Variants in TRAPPC9 observed in about 807,000 individuals in gnomAD.
The protein encoded by TRAPPC9 is trafficking protein particle complex subunit 9.
TRAPPC9 carries 83 observed loss-of-function variants against 124.0 expected under a neutral mutation model. That is an observed-to-expected ratio of 0.67 (90% CI 0.56 to 0.80). TRAPPC9 has a LOEUF of 0.80. Ranked by LOEUF, TRAPPC9 falls within the 30% of genes least tolerant of loss-of-function variation. TRAPPC9 has a pLI of 0.00. For missense variants in TRAPPC9, 1,302 were observed against 1,508.3 expected (o/e 0.86, Z 2.27); for synonymous variants, 638 against 617.5 (o/e 1.03, Z -0.49).
In TRAPPC9 at chr8:140,291,288, A is replaced by C. The variant is rs987093870; in HGVS notation, c.1769-210T>G. On this transcript the variant is annotated intron_variant, in intron 11 of 22. Coordinates refer to ENST00000438773, the MANE Select transcript of TRAPPC9 (RefSeq NM_001160372.4). ...GCTGTCACTGGCACTTTGATGCCAC[A>C]TGAATGGCGCTTGTCACTGCCTTCG... The C allele has an allele frequency of 4.3e-5, 27 of 630,606 alleles. No homozygotes were observed. The South Asian group carries it at 4.5e-4, about 11-fold the overall frequency. The allele number at this position is 630,606 out of a possible 1,614,324, so 39.1% of individuals were successfully genotyped here. A position where few individuals can be genotyped will look rare whatever the true frequency, so the allele number is the denominator to read the frequency against.
In TRAPPC9 at chr8:139,898,982, C is replaced by T. The variant is rs576567591; in HGVS notation, c.2964+11165G>A. Among the ~76,000 whole-genome samples, 8 of 151,650 alleles carry T rather than the reference C, an allele frequency of 5.3e-5. No individual in the cohort carries two copies. In the East Asian group the frequency reaches 5.8e-4, roughly 11 times the overall value. ...TAAAAATACAAAAATTAGCCAGGCA[C>T]GGTGGTGGGTGCCTGTCATCACAGC... is the stretch of plus-strand genomic sequence containing the variant. On this transcript the variant is annotated intron_variant, in intron 20 of 22. Coordinates refer to ENST00000438773, the MANE Select transcript of TRAPPC9 (RefSeq NM_001160372.4).
rs12548239 is a variant in TRAPPC9, at chr8:139,913,522, C to T, written c.2811-3222G>A. 1.5e-3 allele frequency among the ~76,000 whole-genome samples: 224 copies of T among 152,240 alleles called. 1 individual carries two copies. Among genetic ancestry groups the T allele is most frequent in the African/African-American group, 5.3e-3 (219 of 41,550 alleles). On this transcript the variant is annotated intron_variant, in intron 19 of 22. Transcript: ENST00000438773. ...TTAGGCAGGACACCTAAAGAGAGAC[C>T]ATTTCTTGCTCATGCTGTTTGCAGA...
At chr8:139,828,734 G>T (rs189665780) in intron 21 of TRAPPC9, among the ~76,000 whole-genome samples, 8 of 152,300 alleles carry the variant, frequency 5.3e-5, no homozygotes, top group Non-Finnish European at 1.0e-4. Context: ...TTGAAGGAAC[G>T]CTGCCCAGGT....
chr8:140,072,093 A>G (rs775354616), intron 17 of TRAPPC9, among the ~76,000 whole-genome samples: 1 of 152,194 alleles, frequency 6.6e-6, no homozygotes, highest in Non-Finnish European at 1.5e-5. Context: ...ATGAGGGGAC[A>G]TTTTTTTAAG....
At chr8:140,060,060 T>G (rs1842504691) in intron 17 of TRAPPC9, among the ~76,000 whole-genome samples, 1 of 152,224 alleles carries the variant, frequency 6.6e-6, no homozygotes, top group Non-Finnish European at 1.5e-5. Context: ...TTGACAAATG[T>G]CTGAATGTCG....
At position 140,095,051 on chromosome 8, in the gene TRAPPC9, C is replaced by T. The variant is rs541277087; in HGVS notation, c.2557-70972G>A. The T allele has an allele frequency of 2.0e-4, 31 of 152,328 alleles. No individual in the cohort carries two copies. In the East Asian group the frequency reaches 6.0e-3, roughly 29 times the overall value. 9.4% of individuals were successfully genotyped at this position (152,328 alleles called of 1,614,324 possible). Reference sequence around the variant, plus strand: ...ATTTCCAGAAGCCCAATCCAGTGGTCACTCTACAATAACACAGGGTCTCTT... The same window carrying T: ...ATTTCCAGAAGCCCAATCCAGTGGTTACTCTACAATAACACAGGGTCTCTT... On this transcript the variant is annotated intron_variant, in intron 17 of 22. Transcript: ENST00000438773.
intron 20 of TRAPPC9, among the ~76,000 whole-genome samples, chr8:139,895,466 A>G (rs1345065730): frequency 6.6e-6 from 1 of 152,238 alleles, no homozygotes; most frequent in Non-Finnish European, 1.5e-5. Context: ...GAAACAAATA[A>G]AAGTGGGTGC....
At chr8:140,332,432 T>A (rs73372817) in intron 9 of TRAPPC9, among the ~76,000 whole-genome samples, 1,889 of 152,226 alleles carry the variant, frequency 0.012, 33 homozygotes, top group African/African-American at 0.042. Flanking sequence ...GTAACAACAA[T>A]TTTTTGTGTA....
intron 17 of TRAPPC9, among the ~76,000 whole-genome samples, chr8:140,033,486 GA>G (rs1205737746): frequency 6.6e-6 from 1 of 150,836 alleles, no homozygotes; most frequent in African/African-American, 2.4e-5. Flanking sequence ...CTTGGGATAG[GA>G]AAAGAGATCT....
intron 21 of TRAPPC9, among the ~76,000 whole-genome samples, chr8:139,820,492 A>T (rs1164267243): frequency 6.6e-6 from 1 of 152,184 alleles, no homozygotes; most frequent in Non-Finnish European, 1.5e-5. Flanking sequence ...ATTTATAAGA[A>T]CTATTTCATT....
chr8:139,870,974 G>T (rs540985418), intron 21 of TRAPPC9, among the ~76,000 whole-genome samples: 46 of 152,264 alleles, frequency 3.0e-4, no homozygotes, highest in African/African-American at 1.0e-3. Flanking sequence ...GCTGGGAGGC[G>T]GGCCGTCTCT....
At chr8:140,429,222 C>T (rs745509331) in intron 4 of TRAPPC9, among the ~76,000 whole-genome samples, 3 of 152,074 alleles carry the variant, frequency 2.0e-5, no homozygotes, top group African/African-American at 7.2e-5. Flanking sequence ...GCTGGGACTA[C>T]AGGTGCGCAC....
rs541120924 is a variant in TRAPPC9, at chr8:140,436,182, C to T, written c.731-942G>A. 1.7e-3 allele frequency among the ~76,000 whole-genome samples: 258 copies of T among 152,144 alleles called. 1 individual carries two copies. The highest frequency in any genetic ancestry group is 6.0e-3 in the African/African-American group (248 of 41,526). Reference sequence around the variant, plus strand: ...CCAACATGGTGAAACCCTGACTCTACTAAAAATACAAAAATTGGCCAGGCA... The same window carrying T: ...CCAACATGGTGAAACCCTGACTCTATTAAAAATACAAAAATTGGCCAGGCA... On this transcript the variant is annotated intron_variant, in intron 3 of 22. Coordinates refer to ENST00000438773, the MANE Select transcript of TRAPPC9 (RefSeq NM_001160372.4).
chr8:140,189,197 G>A (rs759700925), intron 17 of TRAPPC9, among the ~76,000 whole-genome samples: 29 of 152,194 alleles, frequency 1.9e-4, no homozygotes, highest in Non-Finnish European at 3.7e-4. Flanking sequence ...ACACATGCCT[G>A]GCATATATTT....
intron 17 of TRAPPC9, among the ~76,000 whole-genome samples, chr8:140,134,846 G>A (rs991696341): frequency 6.6e-6 from 1 of 152,114 alleles, no homozygotes; most frequent in African/African-American, 2.4e-5. Context: ...TCAAACTTTG[G>A]TGAATCAAAG....
intron 19 of TRAPPC9, among the ~76,000 whole-genome samples, chr8:139,953,601 G>C (rs905183145): frequency 7.2e-6 from 1 of 138,190 alleles, no homozygotes; most frequent in African/African-American, 2.7e-5. Context: ...AAACTTCTCT[G>C]AGTGACGCTT....
At chr8:140,388,433 C>A (rs1244570283) in intron 7 of TRAPPC9, among the ~76,000 whole-genome samples, 1 of 151,810 alleles carries the variant, frequency 6.6e-6, no homozygotes, top group Non-Finnish European at 1.5e-5. Flanking sequence ...CCTGTAATCC[C>A]AGCACTTTGG....
intron 17 of TRAPPC9, among the ~76,000 whole-genome samples, chr8:140,050,186 A>G (rs1427074513): frequency 2.0e-5 from 3 of 152,370 alleles, no homozygotes; most frequent in African/African-American, 7.2e-5. Flanking sequence ...CACACTGGGC[A>G]GCTCAGGCGT....
chr8:140,447,645 G>A (rs929416539), intron 2 of TRAPPC9, among the ~76,000 whole-genome samples: 18 of 152,140 alleles, frequency 1.2e-4, no homozygotes, highest in South Asian at 1.0e-3. Flanking sequence ...CTCGTGTACC[G>A]GGGAACTCCA....
Sources: allele counts gnomAD v4.1 joint callset (sites outside exome capture counted in the v4.1 genomes callset), GRCh38; gene constraint gnomAD v4.1.1; transcripts MANE v1.5; gene names NCBI Gene and HGNC (gene_info 2026-07-23, HGNC 2026-07-21).